Variants in VIT observed in about 807,000 individuals in gnomAD.
The protein encoded by VIT is vitrin.
VIT carries 99 observed loss-of-function variants against 78.0 expected under a neutral mutation model. The observed-to-expected ratio is 1.27, with a 90% confidence interval of 1.08 to 1.50. VIT has a LOEUF of 1.50. Among genes scored for constraint, VIT ranks in the 40% most tolerant of loss-of-function variants. The pLI is 0.00. For synonymous variants in VIT, 374 were observed against 334.3 expected, an observed-to-expected ratio of 1.12 and a Z score of -1.29; for missense variants, 1,126 against 875.3, an observed-to-expected ratio of 1.29 and a Z score of -3.61.
At chr2:36,733,379 G>T (rs17019638) in intron 3 of VIT, among the ~76,000 whole-genome samples, 20,204 of 151,960 alleles carry the variant, frequency 0.13, 1,502 homozygotes, top group East Asian at 0.31. Flanking sequence ...ATGTCTCTCA[G>T]TCCTGATCCC....
At chr2:36,754,780 G>A in intron 4 of VIT, 141 bp from the exon 5 acceptor site, 3 of 824,944 alleles carry the variant, frequency 3.6e-6, no homozygotes, top group Non-Finnish European at 5.4e-6. Flanking sequence ...CTTGTGGGTT[G>A]GGCTTCATGT....
chr2:36,726,408 T>TAC lies in VIT; in HGVS notation c.53-3016_53-3015dup, dbSNP rs1283792032. On this transcript the variant is annotated intron_variant, in intron 2 of 15. Coordinates refer to ENST00000379242, the MANE Select transcript of VIT (RefSeq NM_053276.4). ...AAAAGTATTCACATGAATACCTGTA[T>TAC]ACATATAGAAAAAGACTGGAAAATA... Among the ~76,000 whole-genome samples the TAC allele has an allele frequency of 2.0e-5, 3 of 152,370 alleles. No homozygotes were observed. In the East Asian group the frequency reaches 5.8e-4, roughly 29 times the overall value.
chr2:36,811,540 T>C (rs1572590338), intron 15 of VIT, among the ~76,000 whole-genome samples: 1 of 152,342 alleles, frequency 6.6e-6, no homozygotes, highest in Admixed American at 6.5e-5. Context: ...GTAATGAGCA[T>C]TGTGTTCCTG....
intron 2 of VIT, among the ~76,000 whole-genome samples, chr2:36,724,020 A>G (rs956828821): frequency 6.7e-6 from 1 of 150,020 alleles, no homozygotes; most frequent in Non-Finnish European, 1.5e-5. Context: ...GAAACACTGG[A>G]ATTTTTTTTT....
intron 15 of VIT, 21 bp from the exon 16 acceptor site, chr2:36,814,162 A>T (rs771478765): frequency 6.2e-7 from 1 of 1,610,886 alleles, no homozygotes; most frequent in South Asian, 1.1e-5. Flanking sequence ...ACATTTGTTC[A>T]TCTAACCTTT....
chr2:36,745,068 T>C (rs188061628), intron 4 of VIT, among the ~76,000 whole-genome samples: 14 of 152,254 alleles, frequency 9.2e-5, no homozygotes, highest in African/African-American at 3.1e-4. Flanking sequence ...ATTTATTGAA[T>C]AGGGAATCCT....
chr2:36,704,249 C>A (rs892233275), intron 1 of VIT, among the ~76,000 whole-genome samples: 9 of 152,124 alleles, frequency 5.9e-5, no homozygotes, highest in African/African-American at 2.2e-4. Context: ...TATTAAAGTT[C>A]TTTAAGTCTC....
chr2:36,732,197 G>T (rs932241174), intron 3 of VIT, among the ~76,000 whole-genome samples: 1 of 152,180 alleles, frequency 6.6e-6, no homozygotes, highest in African/African-American at 2.4e-5. Flanking sequence ...ATCACGAAAG[G>T]TTCCATGATT....
chr2:36,773,715 C>A, intron 7 of VIT, 76 bp from the exon 8 acceptor site: 5 of 1,319,642 alleles, frequency 3.8e-6, no homozygotes, highest in Non-Finnish European at 5.0e-6. Flanking sequence ...TACAGTGAGA[C>A]TCCGACTCAA....
chr2:36,700,837 C>G (rs540068095), intron 1 of VIT, among the ~76,000 whole-genome samples: 9 of 152,092 alleles, frequency 5.9e-5, no homozygotes, highest in Non-Finnish European at 1.2e-4. Context: ...ATTCATTTAA[C>G]CCTAACAGCA....
chr2:36,769,172 T>G (rs1669607753), intron 7 of VIT, among the ~76,000 whole-genome samples: 2 of 152,234 alleles, frequency 1.3e-5, no homozygotes, highest in South Asian at 2.1e-4. Context: ...TGACTTCAGA[T>G]GCCTTGATTC....
chr2:36,809,414 T>C (rs1442783676), intron 15 of VIT, among the ~76,000 whole-genome samples: 1 of 152,154 alleles, frequency 6.6e-6, no homozygotes, highest in African/African-American at 2.4e-5. Flanking sequence ...TAGTAACTTT[T>C]ATTTATTTAT....
intron 1 of VIT, among the ~76,000 whole-genome samples, chr2:36,704,501 G>GGA (rs1405909566): frequency 9.9e-5 from 15 of 152,188 alleles, no homozygotes; most frequent in Non-Finnish European, 7.3e-5. Context: ...GGGCCCTGCA[G>GGA]GAGAGTCTGA....
rs976495596 is a variant in VIT, at chr2:36,743,218, T to C, written c.237T>C (p.Tyr79=). ...PKYHVYGTDV[Y]ASYSSVCGAA... is the part of the protein sequence containing the mutation. ...ACCATGTTTATGGCACTGACGTGTATGCATCCTACTCCAGTGTGTGTGGCG... is the reference window on the plus strand; with the variant it reads ...ACCATGTTTATGGCACTGACGTGTACGCATCCTACTCCAGTGTGTGTGGCG... The change falls in exon 4 of 16, where the codon TAT becomes TAC. Residue 79 remains tyrosine, a synonymous_variant. Transcript: ENST00000379242. The C allele has an allele frequency of 3.7e-6, 6 of 1,613,978 alleles. No individual in the cohort carries two copies. The highest frequency in any genetic ancestry group is 2.7e-5 in the African/African-American group (2 of 74,922).
intron 12 of VIT, among the ~76,000 whole-genome samples, chr2:36,800,504 T>C (rs1222346265): frequency 1.3e-5 from 2 of 152,162 alleles, no homozygotes; most frequent in African/African-American, 4.8e-5. Context: ...TTCTGGAGCA[T>C]GGAGCCCTGT....
chr2:36,776,958 G>A (rs532901801), intron 9 of VIT, among the ~76,000 whole-genome samples: 23 of 149,768 alleles, frequency 1.5e-4, no homozygotes, highest in South Asian at 1.1e-3. Flanking sequence ...GCGTGGTGGC[G>A]GGCGCCTGTA....
At position 36,703,348 on chromosome 2, in the gene VIT, C is replaced by T. The variant is rs1206022662; in HGVS notation, c.-19+6375C>T. 2.0e-5 allele frequency among the ~76,000 whole-genome samples: 3 copies of T among 151,396 alleles called. 1 individual carries two copies. Among genetic ancestry groups the T allele is most frequent in the South Asian group, 4.2e-4 (2 of 4,788 alleles). On this transcript the variant is annotated intron_variant, in intron 1 of 15. Transcript: ENST00000379242. ...GGAGCAGGTGGCTCCCCTACCCCCA[C>T]CCCCCTACACCCAGCCCACTTCAGG...
intron 2 of VIT, among the ~76,000 whole-genome samples, chr2:36,728,531 TGGCCGGGCGCGGTGGCTCACGCC>T (rs1666993969): frequency 1.0e-5 from 1 of 97,648 alleles, no homozygotes; most frequent in Non-Finnish European, 2.5e-5. Context: ...GAAAAAATAT[TGGCCGGGCGCGGTGGCTCACGCC>T]TGTAATCCCA....
In VIT at chr2:36,744,969, A is replaced by C. The variant is rs538102455; in HGVS notation, c.275+1713A>C. ...TTGAAGTCTTACATGTAAGTCTTTA[A>C]TCCATCTTGAGTTAATTTTTGTATA... On this transcript the variant is annotated intron_variant, in intron 4 of 15. Transcript: ENST00000379242. Among the ~76,000 whole-genome samples the C allele has an allele frequency of 1.6e-4, 24 of 152,238 alleles. No homozygotes were observed. The South Asian group carries it at 3.9e-3, about 25-fold the overall frequency.
Sources: allele counts gnomAD v4.1 joint callset (sites outside exome capture counted in the v4.1 genomes callset), GRCh38; gene constraint gnomAD v4.1.1; transcripts MANE v1.5; gene names NCBI Gene and HGNC (gene_info 2026-07-23, HGNC 2026-07-21).